The following SNRPE variants were observed in gnomAD, a reference collection of about 807,000 sequenced individuals.
SNRPE encodes the protein small nuclear ribonucleoprotein polypeptide E.
For missense variants in SNRPE, 53 were observed against 111.6 expected (o/e 0.48, Z 2.36); for synonymous variants, 35 against 36.7 (o/e 0.95, Z 0.17).
intron 3 of SNRPE, among the ~76,000 whole-genome samples, chr1:203,864,746 G>A (rs1046036814): frequency 7.2e-5 from 11 of 152,116 alleles, no homozygotes; most frequent in Middle Eastern, 3.4e-3. Flanking sequence ...GCATGGTGGT[G>A]CGCCCTGTAG....
At position 203,869,140 on chromosome 1, in the gene SNRPE, A is replaced by G. The variant is rs79630014; in HGVS notation, c.224-737A>G. 6.6e-5 allele frequency among the ~76,000 whole-genome samples: 10 copies of G among 152,310 alleles called. No homozygotes were observed. In the East Asian group the frequency reaches 1.5e-3, roughly 24 times the overall value. On this transcript the variant is annotated intron_variant, in intron 4 of 4. Coordinates refer to ENST00000414487, the MANE Select transcript of SNRPE (RefSeq NM_003094.4). ...CCTGGGAAAGTAGAACAGTTTAATT[A>G]CTGTTGGAGTTGATCAACGTGTCTC...
In SNRPE at chr1:203,869,983, GA is replaced by G; in HGVS notation, c.*52del. On this transcript the variant is annotated 3_prime_UTR_variant, in exon 5 of 5. Transcript: ENST00000414487. ...TTGAGAAGGATACAGTTTGTTTTTA[GA>G]TGTCCTTTGTCCAATGTGAACATTT... The G allele has an allele frequency of 8.5e-7, 1 of 1,182,478 alleles. No homozygotes were observed. The highest frequency in any genetic ancestry group is 1.2e-6 in the Non-Finnish European group (1 of 809,616). The allele number at this position is 1,182,478 out of a possible 1,614,324, so 73.2% of individuals were successfully genotyped here.
intron 4 of SNRPE, among the ~76,000 whole-genome samples, chr1:203,869,513 T>C (rs1208711331): frequency 6.6e-6 from 1 of 152,058 alleles, no homozygotes; most frequent in Non-Finnish European, 1.5e-5. Context: ...GTCTTTAATA[T>C]ACTAACAGCT....
intron 4 of SNRPE, among the ~76,000 whole-genome samples, chr1:203,866,092 G>C (rs1368625318): frequency 6.6e-6 from 1 of 151,948 alleles, no homozygotes; most frequent in East Asian, 1.9e-4. Context: ...GGAGGGTGGG[G>C]CTGAAAGTCC....
intron 1 of SNRPE, 29 bp from the exon 2 acceptor site, chr1:203,862,167 G>A: frequency 1.3e-6 from 2 of 1,590,470 alleles, no homozygotes; most frequent in Non-Finnish European, 1.7e-6. Context: ...TGCTGCTTTT[G>A]TATTTTTTCC....
At chr1:203,867,123 A>AAC (rs1553274868) in intron 4 of SNRPE, among the ~76,000 whole-genome samples, 11,902 of 141,124 alleles carry the variant, frequency 0.084, 758 homozygotes, top group Non-Finnish European at 0.12. Flanking sequence ...AAAAAAAAAA[A>AAC]AAAAAAATTA....
At chr1:203,866,218 A>C (rs550941873) in intron 4 of SNRPE, among the ~76,000 whole-genome samples, 1 of 152,214 alleles carries the variant, frequency 6.6e-6, no homozygotes, top group Non-Finnish European at 1.5e-5. Context: ...TAGAGATTCT[A>C]AGGATTTTAG....
rs114239197 is a variant in SNRPE, at chr1:203,863,846, G to A, written c.144+121G>A. The A allele has an allele frequency of 2.2e-3, 1,495 of 665,810 alleles. 15 individuals are homozygous for A. The African/African-American group carries it at 0.024, about 11-fold the overall frequency. The allele number at this position is 665,810 out of a possible 1,614,324, so 41.2% of individuals were successfully genotyped here. On this transcript the variant is annotated intron_variant, in intron 3 of 4. Transcript: ENST00000414487. ...ATCCAACCTAAGGAAAGTTTTTCAG[G>A]TGCTGCTGTTTAGCCTTTTTTCATT...
At chr1:203,862,303 G>C in intron 2 of SNRPE, 81 bp downstream of exon 2, 1 of 978,934 alleles carries the variant, frequency 1.0e-6, no homozygotes, top group South Asian at 1.3e-5. Context: ...CTGAGCGATC[G>C]CTGTGTTCTA....
chr1:203,863,567 C>T (rs189965468), intron 2 of SNRPE, 96 bp from the exon 3 acceptor site: 5 of 799,868 alleles, frequency 6.3e-6, no homozygotes, highest in African/African-American at 3.4e-5. Context: ...GATCCACCTC[C>T]CTCGGCCTCC....
chr1:203,865,363 G>C (rs1425308588), intron 4 of SNRPE, among the ~76,000 whole-genome samples: 1 of 152,118 alleles, frequency 6.6e-6, no homozygotes, highest in Non-Finnish European at 1.5e-5. Flanking sequence ...CTAATGATCA[G>C]TACTAATCCT....
chr1:203,869,195 C>T (rs986567202), intron 4 of SNRPE, among the ~76,000 whole-genome samples: 1 of 150,856 alleles, frequency 6.6e-6, no homozygotes, highest in African/African-American at 2.4e-5. Flanking sequence ...CACCAGTGTT[C>T]CTGAAGATGT....
Position 203,869,940 on chromosome 1 carries a change from C to G in SNRPE, c.*8C>G, listed in dbSNP as rs1391323546. The G allele has an allele frequency of 2.6e-6, 4 of 1,556,216 alleles. No homozygotes were observed. The highest frequency in any genetic ancestry group is 1.7e-5 in the Admixed American group (1 of 58,042). On this transcript the variant is annotated 3_prime_UTR_variant, in exon 5 of 5. Coordinates refer to ENST00000414487, the MANE Select transcript of SNRPE (RefSeq NM_003094.4). ...CAAAGTGTCTCCAACTAGAAATGATCAATGAAGTGAGAAATTGTTGAGAAG... is the reference window on the plus strand; with the variant it reads ...CAAAGTGTCTCCAACTAGAAATGATGAATGAAGTGAGAAATTGTTGAGAAG...
intron 4 of SNRPE, among the ~76,000 whole-genome samples, chr1:203,866,575 A>G (rs997100910): frequency 1.3e-5 from 2 of 152,240 alleles, no homozygotes; most frequent in Admixed American, 1.3e-4. Flanking sequence ...CACTGTTTAG[A>G]GCTATTGTAT....
chr1:203,866,249 C>G (rs1690086239), intron 4 of SNRPE, among the ~76,000 whole-genome samples: 1 of 152,154 alleles, frequency 6.6e-6, no homozygotes, highest in South Asian at 2.1e-4. Flanking sequence ...GGATTGAAGA[C>G]CAAGTAAATA....
At chr1:203,862,148 CAG>C (rs1160482454) in intron 1 of SNRPE, 46 bp from the exon 2 acceptor site, 2 of 1,491,604 alleles carry the variant, frequency 1.3e-6, no homozygotes, top group Admixed American at 1.7e-5. Context: ...TTTCAGGAAG[CAG>C]AGTCTATGCT....
At chr1:203,866,398 C>T (rs1690088899) in intron 4 of SNRPE, among the ~76,000 whole-genome samples, 1 of 152,202 alleles carries the variant, frequency 6.6e-6, no homozygotes, top group African/African-American at 2.4e-5. Flanking sequence ...TCTAGGCCCT[C>T]CTGTCATTCA....
In SNRPE at chr1:203,869,807, TA is replaced by T. The variant is rs964847856; in HGVS notation, c.224-69del. Reference sequence around the variant, plus strand: ...TTCAAAATATTGTTCAAAAACTGGATACAAAATTCTGAGAGTAAAACATCTG... The same window carrying T: ...TTCAAAATATTGTTCAAAAACTGGATCAAAATTCTGAGAGTAAAACATCTG... On this transcript the variant is annotated intron_variant, in intron 4 of 4. Transcript: ENST00000414487. The T allele has an allele frequency of 1.5e-5, 16 of 1,062,538 alleles. No homozygotes were observed. In the Admixed American group the frequency reaches 2.8e-4, roughly 18 times the overall value. The allele number at this position is 1,062,538 out of a possible 1,614,324, so 65.8% of individuals were successfully genotyped here. A position where few individuals can be genotyped will look rare whatever the true frequency, so the allele number is the denominator to read the frequency against.
chr1:203,870,518 A>G lies in SNRPE; in HGVS notation c.*586A>G, dbSNP rs764824747. ...AAAGAATGAAGTGCCTTTCAAGTACATTAAAAATCAGTTAAGAGTTTACAG... is the reference window on the plus strand; with the variant it reads ...AAAGAATGAAGTGCCTTTCAAGTACGTTAAAAATCAGTTAAGAGTTTACAG... On this transcript the variant is annotated 3_prime_UTR_variant, in exon 5 of 5. Coordinates refer to ENST00000414487, the MANE Select transcript of SNRPE (RefSeq NM_003094.4). 6.6e-6 allele frequency: 1 copy of G among 152,240 alleles called. No homozygotes were observed. The allele number at this position is 152,240 out of a possible 1,614,324, so 9.4% of individuals were successfully genotyped here.
Sources: gnomAD v4.1 joint callset for allele counts (sites outside exome capture counted in the v4.1 genomes callset) on GRCh38, gnomAD v4.1.1 for gene constraint, MANE v1.5 for transcripts, NCBI Gene and HGNC (gene_info 2026-07-23, HGNC 2026-07-21) for gene names.